The following NFKB1 variants were observed in gnomAD, a reference collection of about 807,000 sequenced individuals.
NFKB1 encodes the protein nuclear factor kappa B subunit 1.
Under a neutral mutation model 105.1 loss-of-function variants are expected in NFKB1, and 9 were observed. That is an observed-to-expected ratio of 0.09 (90% CI 0.05 to 0.15). NFKB1 has a LOEUF of 0.15. Ranked by LOEUF, NFKB1 falls within the 10% of genes least tolerant of loss-of-function variation. The probability of loss-of-function intolerance (pLI) is 1.00; values close to 1 mark genes in which losing one functional copy is unlikely to be tolerated. For missense variants in NFKB1, 830 were observed against 1,203.7 expected, an observed-to-expected ratio of 0.69 and a Z score of 4.59; for synonymous variants, 440 against 442.2, an observed-to-expected ratio of 1.00 and a Z score of 0.06.
At chr4:102,591,314 G>C (rs546497890) in intron 11 of NFKB1, among the ~76,000 whole-genome samples, 2 of 151,992 alleles carry the variant, frequency 1.3e-5, no homozygotes, top group South Asian at 4.2e-4. Flanking sequence ...CTGACTCTCA[G>C]GAGGTTGAGG....
At chr4:102,527,271 A>C (rs1316779416) in intron 2 of NFKB1, among the ~76,000 whole-genome samples, 1 of 152,222 alleles carries the variant, frequency 6.6e-6, no homozygotes. Flanking sequence ...AAGCAGCATC[A>C]CTAGGTGCTA....
chr4:102,551,553 A>C (rs113018928), intron 5 of NFKB1, among the ~76,000 whole-genome samples: 8 of 152,274 alleles, frequency 5.3e-5, no homozygotes, highest in African/African-American at 1.9e-4. Flanking sequence ...CCGTAAGAAG[A>C]ACGAATCACA....
chr4:102,567,714 T>C (rs1478958835), intron 6 of NFKB1, among the ~76,000 whole-genome samples: 1 of 152,210 alleles, frequency 6.6e-6, no homozygotes, highest in African/African-American at 2.4e-5. Flanking sequence ...GACGTATTCA[T>C]TTAAGGGTTG....
At chr4:102,590,765 G>A (rs534702217) in intron 11 of NFKB1, among the ~76,000 whole-genome samples, 8 of 152,090 alleles carry the variant, frequency 5.3e-5, no homozygotes, top group Non-Finnish European at 1.0e-4. Context: ...CCTTACAGTG[G>A]CCTCCAAGTG....
chr4:102,525,423 A>G (rs1231558642), intron 1 of NFKB1, 89 bp from the exon 2 acceptor site: 2 of 1,247,298 alleles, frequency 1.6e-6, no homozygotes, highest in East Asian at 2.4e-5. Context: ...GGTATAATAC[A>G]GTTTATTCCT....
At chr4:102,527,368 A>C (rs72696152) in intron 2 of NFKB1, among the ~76,000 whole-genome samples, 9,618 of 152,266 alleles carry the variant, frequency 0.063, 334 homozygotes, top group African/African-American at 0.095. Flanking sequence ...GCTAGACTAG[A>C]AAAGGTGAAG....
intron 5 of NFKB1, among the ~76,000 whole-genome samples, chr4:102,563,971 A>C (rs1276001781): frequency 6.6e-6 from 1 of 151,998 alleles, no homozygotes; most frequent in African/African-American, 2.4e-5. Context: ...GGTGCACACC[A>C]CCATGCCCGG....
chr4:102,502,487 G>A (rs892206507), intron 1 of NFKB1, among the ~76,000 whole-genome samples: 6 of 150,978 alleles, frequency 4.0e-5, no homozygotes, highest in African/African-American at 1.2e-4. Context: ...ATTTGAGAGA[G>A]AAAATAAATT....
intron 15 of NFKB1, among the ~76,000 whole-genome samples, chr4:102,598,209 G>A (rs1726803911): frequency 6.6e-6 from 1 of 152,134 alleles, no homozygotes; most frequent in African/African-American, 2.4e-5. Flanking sequence ...TGTGGGAGTG[G>A]AACATTCCAA....
At position 102,529,868 on chromosome 4, in the gene NFKB1, A is replaced by G. The variant is rs778127566; in HGVS notation, c.72A>G (p.Thr24=). Residue 24 remains threonine, a synonymous_variant, in exon 3 of 24, where the codon ACA becomes ACG. Transcript: ENST00000226574. ...MFHLDPSLTH[T]IFNPEVFQPQ... is the part of the protein sequence containing the mutation. ...ATTTGGATCCTTCTTTGACTCATAC[A>G]ATATTTAATCCAGAAGTATTTCAAC... 11 of 1,609,750 alleles carry G rather than the reference A, an allele frequency of 6.8e-6. No homozygotes were observed. The highest frequency in any genetic ancestry group is 9.3e-6 in the Non-Finnish European group (11 of 1,177,090).
intron 10 of NFKB1, 111 bp downstream of exon 10, chr4:102,583,068 C>A: frequency 1.5e-6 from 1 of 662,956 alleles, no homozygotes; most frequent in Non-Finnish European, 2.5e-6. Flanking sequence ...TATCCCCCAA[C>A]TGTTGGGCTT....
Position 102,544,064 on chromosome 4 carries a change from G to T in NFKB1, c.258+6108G>T, listed in dbSNP as rs144739423. On this transcript the variant is annotated intron_variant, in intron 5 of 23. Coordinates refer to ENST00000226574, the MANE Select transcript of NFKB1 (RefSeq NM_003998.4). ...TGGGGTCTATGGATCCCTGTTGGTGGTTTCAGACGCTTTTTAGATTCCTAA... is the reference window on the plus strand; with the variant it reads ...TGGGGTCTATGGATCCCTGTTGGTGTTTTCAGACGCTTTTTAGATTCCTAA... 5.0e-3 allele frequency among the ~76,000 whole-genome samples: 743 copies of T among 148,278 alleles called. 4 individuals are homozygous for T. Among genetic ancestry groups the T allele is most frequent in the African/African-American group, 0.018 (704 of 38,826 alleles).
In NFKB1 at chr4:102,617,068, T is replaced by C. The variant is rs1192824402; in HGVS notation, c.*474T>C. On this transcript the variant is annotated 3_prime_UTR_variant, in exon 24 of 24. Coordinates refer to ENST00000226574, the MANE Select transcript of NFKB1 (RefSeq NM_003998.4). ...CATTTTAAAAAAAAAGGCATATTGC[T>C]TTTTCTAATGTGGTTATTTCTCTGA... 2.6e-5 allele frequency: 4 copies of C among 151,290 alleles called. No homozygotes were observed. Among genetic ancestry groups the C allele is most frequent in the Non-Finnish European group, 5.9e-5 (4 of 67,844 alleles). 9.4% of individuals were successfully genotyped at this position (151,290 alleles called of 1,614,324 possible).
At chr4:102,547,035 A>G (rs1722192833) in intron 5 of NFKB1, among the ~76,000 whole-genome samples, 2 of 152,204 alleles carry the variant, frequency 1.3e-5, no homozygotes, top group South Asian at 2.1e-4. Context: ...GGCTCAAAGA[A>G]TCATGAGCTC....
At chr4:102,608,999 A>T (rs1728102474) in intron 19 of NFKB1, among the ~76,000 whole-genome samples, 1 of 152,002 alleles carries the variant, frequency 6.6e-6, no homozygotes. Flanking sequence ...TAAAAAATTT[A>T]AAAAGTAGCC....
chr4:102,555,984 A>G (rs928602667), intron 5 of NFKB1, among the ~76,000 whole-genome samples: 1 of 152,202 alleles, frequency 6.6e-6, no homozygotes, highest in Admixed American at 6.5e-5. Context: ...AGCTAAACTA[A>G]GAGTTCAAGC....
chr4:102,606,831 T>G, intron 17 of NFKB1, 134 bp downstream of exon 17: 2 of 979,450 alleles, frequency 2.0e-6, no homozygotes, highest in Middle Eastern at 2.2e-4. Flanking sequence ...ATCATCTCTT[T>G]TGGGCATTTC....
chr4:102,558,315 C>T (rs1723144492), intron 5 of NFKB1, among the ~76,000 whole-genome samples: 1 of 152,034 alleles, frequency 6.6e-6, no homozygotes, highest in Non-Finnish European at 1.5e-5. Context: ...GTTTTCTGTT[C>T]TCGTGTTAGT....
At chr4:102,614,017 C>G (rs569517829) in intron 23 of NFKB1, among the ~76,000 whole-genome samples, 1 of 152,176 alleles carries the variant, frequency 6.6e-6, no homozygotes, top group Non-Finnish European at 1.5e-5. Flanking sequence ...GAAATGGACT[C>G]TCAACCCAGC....
Sources: allele counts gnomAD v4.1 joint callset (sites outside exome capture counted in the v4.1 genomes callset), GRCh38; gene constraint gnomAD v4.1.1; transcripts MANE v1.5; gene names NCBI Gene and HGNC (gene_info 2026-07-23, HGNC 2026-07-21).